The following SIGLEC8 variants were observed in gnomAD, a reference collection of about 807,000 sequenced individuals.
The protein encoded by SIGLEC8 is sialic acid binding Ig like lectin 8, also known as sialic acid-binding Ig-like lectin 8.
SIGLEC8 carries 32 observed loss-of-function variants against 42.1 expected under a neutral mutation model. The observed-to-expected ratio is 0.76, with a 90% CI of 0.57 to 1.02. The LOEUF is 1.02. SIGLEC8 is among the 50% of genes least tolerant of loss of function. The pLI is 0.00. For missense variants in SIGLEC8, 611 were observed against 610.2 expected (o/e 1.00, Z -0.01); for synonymous variants, 262 against 260.3 (o/e 1.01, Z -0.06).
At chr19:51,457,008 G>A (rs1051870807) in intron 3 of SIGLEC8, among the ~76,000 whole-genome samples, 176 bp downstream of exon 3, 1 of 152,174 alleles carries the variant, frequency 6.6e-6, no homozygotes, top group African/African-American at 2.4e-5. Flanking sequence ...GCAGGGACAG[G>A]ATGGGGACAG....
At chr19:51,457,898 C>G in intron 1 of SIGLEC8, 36 bp downstream of exon 1, 1 of 1,603,974 alleles carries the variant, frequency 6.2e-7, no homozygotes, top group African/African-American at 1.3e-5. Context: ...CCCTCATGAC[C>G]TTCCCCTGTG....
In SIGLEC8 at chr19:51,455,482, T is replaced by C; in HGVS notation, c.987A>G (p.Arg329=). ...GCTGGGAGCCCTGAGCGTTCTGAGC[T>C]CGGCAGGTGAATTCCCCTTCATCCC... The part of the protein sequence containing the change: ...HVRDEGEFTC[R]AQNAQGSQHI... The change falls in exon 4 of 7, where the codon CGA becomes CGG. Residue 329 remains arginine, a synonymous_variant. Coordinates refer to ENST00000321424, the MANE Select transcript of SIGLEC8 (RefSeq NM_014442.3). The C allele has an allele frequency of 1.9e-6, 3 of 1,614,100 alleles. No homozygotes were observed. The highest frequency in any genetic ancestry group is 2.5e-6 in the Non-Finnish European group (3 of 1,179,996).
Position 51,454,303 on chromosome 19 carries a change from G to A in SIGLEC8, c.1161C>T (p.Cys387=), listed in dbSNP as rs754706683. 6 of 1,613,472 alleles carry A rather than the reference G, an allele frequency of 3.7e-6. No individual in the cohort carries two copies. The East Asian group carries it at 6.7e-5, about 18-fold the overall frequency. The part of the protein sequence containing the change: ...FCIIFIIVRS[C]RKKSARPAAG... ...CTGCTGGCCTTGCCGATTTCTTCCTGCAGGACCTCACTCTGAGTGAAGAGA... is the reference window on the plus strand; with the variant it reads ...CTGCTGGCCTTGCCGATTTCTTCCTACAGGACCTCACTCTGAGTGAAGAGA... The change falls in exon 6 of 7, where the codon TGC becomes TGT. Residue 387 remains cysteine (C), a synonymous_variant. Coordinates refer to ENST00000321424, the MANE Select transcript of SIGLEC8 (RefSeq NM_014442.3). The surrounding 1 kb of genome is among the most constrained non-coding windows in gnomAD (Gnocchi z 4.7).
At position 51,458,367 on chromosome 19, in the gene SIGLEC8, C is replaced by T. The variant is rs62639327; in HGVS notation, c.21G>A (p.Leu7=). 4 of 1,612,090 alleles carry T rather than the reference C, an allele frequency of 2.5e-6. No homozygotes were observed. The highest frequency in any genetic ancestry group is 1.7e-5 in the Admixed American group (1 of 59,968). Residue 7 remains leucine, a synonymous_variant, in exon 1 of 7, where the codon CTG becomes CTA. Transcript: ENST00000321424. ...CCTTTGTCCCCCAGAGCAGGGGCAG[C>T]AGCAGCAGCAGCAGCAGCATGTCTG... The part of the protein sequence containing the change: MLLLLL[L]LPLLWGTKGM...
chr19:51,457,636 G>A lies in SIGLEC8; in HGVS notation c.558C>T (p.Pro186=), dbSNP rs1989529325. The A allele has an allele frequency of 1.9e-6, 3 of 1,612,064 alleles. No individual in the cohort carries two copies. The highest frequency in any genetic ancestry group is 1.7e-5 in the Admixed American group (1 of 59,854). The part of the protein sequence containing the change: ...SVPWACKQGT[P]PMISWIGASV... ...AGGCCCCAATCCAGGAGATCATGGG[G>A]GGTGTCCCCTGCTTACAGGCCCAGG... Residue 186 remains proline (P), a synonymous_variant, in exon 2 of 7, where the codon CCC becomes CCT. Coordinates refer to ENST00000321424, the MANE Select transcript of SIGLEC8 (RefSeq NM_014442.3).
intron 6 of SIGLEC8, among the ~76,000 whole-genome samples, 156 bp from the exon 7 acceptor site, chr19:51,452,789 T>C (rs999759579): frequency 4.6e-5 from 7 of 152,200 alleles, no homozygotes; most frequent in African/African-American, 1.7e-4. Context: ...ATTTAACACT[T>C]ACTGAGCACC....
In SIGLEC8 at chr19:51,454,242, C is replaced by T. The variant is rs566841709; in HGVS notation, c.1222G>A (p.Ala408Thr). ...VGDTGMEDAK[A>T]IRGSASQGPL... Reference sequence around the variant, plus strand: ...ACCTGAGAGGCCGAGCCCCTGATGGCCTTTGCATCTTCCATGCCTGTATCC... The same window carrying T: ...ACCTGAGAGGCCGAGCCCCTGATGGTCTTTGCATCTTCCATGCCTGTATCC... The change falls in exon 6 of 7, where the codon GCC (alanine) becomes ACC (threonine). Residue 408 changes from alanine (A) to threonine (T), a missense_variant. By Grantham distance (58) the Ala-to-Thr change is moderately conservative. Transcript: ENST00000321424. The surrounding 1 kb of genome is among the most constrained non-coding windows in gnomAD (Gnocchi z 4.7). The T allele has an allele frequency of 1.4e-5, 22 of 1,614,144 alleles. No homozygotes were observed. In the Admixed American group the frequency reaches 2.2e-4, roughly 16 times the overall value.
Position 51,452,622 on chromosome 19 carries a change from A to T in SIGLEC8, c.1257T>A (p.Thr419=). 6.5e-7 allele frequency: 1 copy of T among 1,538,006 alleles called. No homozygotes were observed. The change falls in exon 7 of 7, where the codon ACT becomes ACA. Residue 419 remains threonine (T), a synonymous_variant. Transcript: ENST00000321424. ...GGGGGTTGCCATCTTTCCAGGATTC[A>T]GTCAGGGGTCCCTGGACAGAGAGAG... ...IRGSASQGPL[T]ESWKDGNPLK... is the part of the protein sequence containing the mutation.
Position 51,454,699 on chromosome 19 carries a change from CAGA to C in SIGLEC8, c.1130_1132del (p.Phe377del). The C allele has an allele frequency of 6.2e-7, 1 of 1,613,296 alleles. No individual in the cohort carries two copies. The highest frequency in any genetic ancestry group is 8.5e-7 in the Non-Finnish European group (1 of 1,179,458). ...CAATGCTCACATGATGAAGATGATG[CAGA>C]AGGACAGGAAGGCCAGGGCTGTGGC... On this transcript the variant is annotated inframe_deletion, in exon 5 of 7. Coordinates refer to ENST00000321424, the MANE Select transcript of SIGLEC8 (RefSeq NM_014442.3). The surrounding 1 kb of genome is among the most constrained non-coding windows in gnomAD (Gnocchi z 4.7).
In SIGLEC8 at chr19:51,454,622, G is replaced by T; in HGVS notation, c.1148+62C>A. ...AGGTCCTTCCAGCTCTGGCTTCAGGGATTCTGTTCCCGGTCTGCCCTGCCC... is the reference window on the plus strand; with the variant it reads ...AGGTCCTTCCAGCTCTGGCTTCAGGTATTCTGTTCCCGGTCTGCCCTGCCC... On this transcript the variant is annotated intron_variant, in intron 5 of 6. Coordinates refer to ENST00000321424, the MANE Select transcript of SIGLEC8 (RefSeq NM_014442.3). The surrounding 1 kb of genome is among the most constrained non-coding windows in gnomAD (Gnocchi z 4.7). 1 of 1,399,486 alleles carries T rather than the reference G, an allele frequency of 7.1e-7. No homozygotes were observed. 86.7% of individuals were successfully genotyped at this position (1,399,486 alleles called of 1,614,324 possible). A position where few individuals can be genotyped will look rare whatever the true frequency, so the allele number is the denominator to read the frequency against.
At chr19:51,457,311 CA>C in intron 2 of SIGLEC8, 80 bp from the exon 3 acceptor site, 3 of 1,520,620 alleles carry the variant, frequency 2.0e-6, no homozygotes, top group Non-Finnish European at 2.7e-6. Flanking sequence ...GCTGCAAATA[CA>C]GGGAAAATGG....
chr19:51,456,427 A>G (rs1325345424), intron 3 of SIGLEC8, among the ~76,000 whole-genome samples: 4 of 152,208 alleles, frequency 2.6e-5, no homozygotes, highest in Non-Finnish European at 4.4e-5. Flanking sequence ...TAGAAACAAC[A>G]TACGACACTG....
At chr19:51,455,992 G>A (rs373247744) in intron 3 of SIGLEC8, among the ~76,000 whole-genome samples, 207 of 149,922 alleles carry the variant, frequency 1.4e-3, no homozygotes, top group South Asian at 3.4e-3. Context: ...AACAAACACC[G>A]CATGTTCTCA....
chr19:51,453,555 C>G (rs1989418154), intron 6 of SIGLEC8: 1 of 392,902 alleles, frequency 2.5e-6, no homozygotes, highest in African/African-American at 2.2e-5. Flanking sequence ...ATTAGCCTGG[C>G]TTGGTGGCGC....
At chr19:51,453,299 A>G in intron 6 of SIGLEC8, 1 of 653,316 alleles carries the variant, frequency 1.5e-6, no homozygotes. Context: ...TATGTTGCCC[A>G]GGCTGGTCTC....
rs779743367 is a variant in SIGLEC8 at position 51,457,423 on chromosome 19, A to C, written c.733+38T>G. The C allele has an allele frequency of 4.3e-6, 7 of 1,610,344 alleles. No homozygotes were observed. In the South Asian group the frequency reaches 7.7e-5, roughly 18 times the overall value. ...CCCCTGCCCTCAGGAACACCTCCCA[A>C]CCCATGAGGGACCTGGGCATCTTGG... On this transcript the variant is annotated intron_variant, in intron 2 of 6. Coordinates refer to ENST00000321424, the MANE Select transcript of SIGLEC8 (RefSeq NM_014442.3).
rs757220139 is a variant in SIGLEC8 at position 51,454,229 on chromosome 19, G to A, written c.1235C>T (p.Ser412Leu). 8 of 1,614,148 alleles carry A rather than the reference G, an allele frequency of 5.0e-6. No individual in the cohort carries two copies. The highest frequency in any genetic ancestry group is 1.7e-5 in the Admixed American group (1 of 60,030). Reference protein sequence around the residue: ...GMEDAKAIRGSASQGPLTESW... With the variant: ...GMEDAKAIRGLASQGPLTESW... ...GCCCACATCACTCACCTGAGAGGCC[G>A]AGCCCCTGATGGCCTTTGCATCTTC... The change falls in exon 6 of 7, where the codon TCG (serine) becomes TTG (leucine). Residue 412 changes from serine (S) to leucine (L), a missense_variant. Coordinates refer to ENST00000321424, the MANE Select transcript of SIGLEC8 (RefSeq NM_014442.3). The surrounding 1 kb of genome is among the most constrained non-coding windows in gnomAD (Gnocchi z 4.7).
rs532172831 is a variant in SIGLEC8 at position 51,457,081 on chromosome 19, G to T, written c.781+103C>A. 7.7e-4 allele frequency: 821 copies of T among 1,061,534 alleles called. 9 individuals are homozygous for T. In the African/African-American group the frequency reaches 0.012, roughly 15 times the overall value. 65.8% of individuals were successfully genotyped at this position (1,061,534 alleles called of 1,614,324 possible). ...TTGTGCCCTGGGCTCACGCACAGTG[G>T]CAGCTCTGTTTCCCAAAGTGATTCC... On this transcript the variant is annotated intron_variant, in intron 3 of 6. Coordinates refer to ENST00000321424, the MANE Select transcript of SIGLEC8 (RefSeq NM_014442.3).
rs1989542826 is a variant in SIGLEC8 at position 51,458,127 on chromosome 19, T to G, written c.261A>C (p.Glu87Asp). 2 of 1,614,162 alleles carry G rather than the reference T, an allele frequency of 1.2e-6. No homozygotes were observed. Among genetic ancestry groups the G allele is most frequent in the Non-Finnish European group, 1.7e-6 (2 of 1,180,022 alleles). Residue 87 changes from glutamate (E) to aspartate (D), a missense_variant, in exon 1 of 7, where the codon GAA becomes GAC. By Grantham distance (45) the Glu-to-Asp change is conservative. Coordinates refer to ENST00000321424, the MANE Select transcript of SIGLEC8 (RefSeq NM_014442.3). ...APVATNNPDR[E>D]VQAETQGRFQ... ...ATCGGCCCTGGGTCTCTGCCTGCAC[T>G]TCTCTGTCTGGGTTGTTTGTGGCCA...
Sources: allele counts gnomAD v4.1 joint callset (sites outside exome capture counted in the v4.1 genomes callset), GRCh38; gene constraint gnomAD v4.1.1; non-coding constraint Gnocchi (gnomAD v3.1); transcripts MANE v1.5; gene names NCBI Gene and HGNC (gene_info 2026-07-23, HGNC 2026-07-21).